The following VPS35L variants were observed in gnomAD, a reference collection of about 807,000 sequenced individuals.
VPS35L encodes VPS35 endosomal protein-sorting factor-like.
VPS35L carries 83 observed loss-of-function variants against 133.0 expected under a neutral mutation model. The ratio of observed to expected loss-of-function variants is 0.62; its 90% CI spans 0.52 to 0.75. The LOEUF is 0.75. Ranked by LOEUF, VPS35L falls within the 30% of genes least tolerant of loss-of-function variation. The probability of loss-of-function intolerance (pLI) is 0.00; values close to 1 mark genes in which losing one functional copy is unlikely to be tolerated. For missense variants in VPS35L, 1,083 were observed against 1,206.8 expected, an observed-to-expected ratio of 0.90 and a Z score of 1.52; for synonymous variants, 423 against 449.9, an observed-to-expected ratio of 0.94 and a Z score of 0.76.
chr16:19,683,527 A>G (rs768373424), intron 28 of VPS35L, among the ~76,000 whole-genome samples: 3 of 152,150 alleles, frequency 2.0e-5, no homozygotes, highest in Non-Finnish European at 2.9e-5. Context: ...CTTGGGGCCC[A>G]CTTACAAGTG....
intron 27 of VPS35L, 89 bp from the exon 28 acceptor site, chr16:19,682,136 C>A: frequency 1.4e-6 from 2 of 1,402,418 alleles, no homozygotes; most frequent in Non-Finnish European, 2.0e-6. Flanking sequence ...ACAGCTGCTG[C>A]GGGAGGATCT....
At chr16:19,685,944 C>T (rs1975443842) in intron 28 of VPS35L, among the ~76,000 whole-genome samples, 1 of 152,192 alleles carries the variant, frequency 6.6e-6, no homozygotes, top group Admixed American at 6.5e-5. Context: ...TAAACAGATT[C>T]AGCCCATCCT....
intron 27 of VPS35L, among the ~76,000 whole-genome samples, chr16:19,676,882 A>G (rs2151612586): frequency 6.6e-6 from 1 of 152,186 alleles, no homozygotes; most frequent in Admixed American, 6.5e-5. Flanking sequence ...GAAGCCAACT[A>G]CAGTTGGCAC....
intron 2 of VPS35L, among the ~76,000 whole-genome samples, chr16:19,568,576 C>A (rs962073222): frequency 1.3e-5 from 2 of 152,142 alleles, no homozygotes; most frequent in Non-Finnish European, 2.9e-5. Flanking sequence ...TCTGCAGGAG[C>A]CCATCGGGAG....
At chr16:19,557,029 G>C (rs892762949) in intron 1 of VPS35L, among the ~76,000 whole-genome samples, 4 of 152,140 alleles carry the variant, frequency 2.6e-5, no homozygotes, top group Non-Finnish European at 5.9e-5. Flanking sequence ...CTACTTGGGA[G>C]GGTGAGGCAG....
Position 19,700,357 on chromosome 16 carries a change from GATC to G in VPS35L, c.2794-20_2794-18del, listed in dbSNP as rs776255883. The G allele has an allele frequency of 1.9e-6, 3 of 1,592,970 alleles. No homozygotes were observed. The African/African-American group carries it at 4.0e-5, about 21-fold the overall frequency. On this transcript the variant is annotated intron_variant, in intron 30 of 30. Transcript: ENST00000417362. ...AGGATAATGAACCAGAAAGGAGATG[GATC>G]TTTCTTTTTCCTCATAGGTGAAAAC...
chr16:19,575,452 G>A (rs1231752811), intron 5 of VPS35L, among the ~76,000 whole-genome samples: 1 of 151,598 alleles, frequency 6.6e-6, no homozygotes, highest in Non-Finnish European at 1.5e-5. Flanking sequence ...CGTAATCCCA[G>A]CTACTCAGGA....
chr16:19,679,067 T>C (rs985204181), intron 27 of VPS35L, among the ~76,000 whole-genome samples: 3 of 149,948 alleles, frequency 2.0e-5, no homozygotes, highest in African/African-American at 7.4e-5. Context: ...AAATAAAATA[T>C]ATTTTTGGAC....
At chr16:19,694,850 AC>A (rs1232321128) in intron 29 of VPS35L, among the ~76,000 whole-genome samples, 1 of 151,968 alleles carries the variant, frequency 6.6e-6, no homozygotes, top group East Asian at 1.9e-4. Flanking sequence ...TACTAAAAAT[AC>A]AAAAATTAGC....
At chr16:19,637,355 A>G (rs776925837) in intron 19 of VPS35L, among the ~76,000 whole-genome samples, 6 of 152,142 alleles carry the variant, frequency 3.9e-5, no homozygotes, top group Non-Finnish European at 8.8e-5. Flanking sequence ...CCCCAGGACT[A>G]TGAAGTAGGA....
At chr16:19,694,954 T>C (rs936164348) in intron 29 of VPS35L, among the ~76,000 whole-genome samples, 3 of 149,714 alleles carry the variant, frequency 2.0e-5, no homozygotes, top group African/African-American at 7.4e-5. Flanking sequence ...TGCAGTGAGC[T>C]GAGATCACGC....
chr16:19,635,794 G>A (rs1021342394), intron 19 of VPS35L, among the ~76,000 whole-genome samples: 1 of 152,168 alleles, frequency 6.6e-6, no homozygotes, highest in African/African-American at 2.4e-5. Flanking sequence ...AGCACATTTG[G>A]CAAAATATTA....
At chr16:19,582,056 T>C (rs1225578708) in intron 7 of VPS35L, 1 of 165,336 alleles carries the variant, frequency 6.0e-6, no homozygotes, top group Non-Finnish European at 1.3e-5. Flanking sequence ...ATTAATGACG[T>C]GTCCCTAATA....
chr16:19,592,441 G>A (rs889544596), intron 8 of VPS35L, among the ~76,000 whole-genome samples: 2 of 151,990 alleles, frequency 1.3e-5, no homozygotes, highest in Non-Finnish European at 1.5e-5. Context: ...CAGGCTGGGG[G>A]CACTAAGCAG....
In VPS35L at chr16:19,624,275, C is replaced by A. The variant is rs1032315814; in HGVS notation, c.1225-1902C>A. Among the ~76,000 whole-genome samples, 3 of 151,770 alleles carry A rather than the reference C, an allele frequency of 2.0e-5. No homozygotes were observed. In the South Asian group the frequency reaches 6.3e-4, roughly 32 times the overall value. On this transcript the variant is annotated intron_variant, in intron 14 of 30. Transcript: ENST00000417362. Reference sequence around the variant, plus strand: ...GGACCACAGGCACGTACCACCACACCCAGCTAATTTTTTAAAAAATTTTAT... The same window carrying A: ...GGACCACAGGCACGTACCACCACACACAGCTAATTTTTTAAAAAATTTTAT...
rs1436284769 is a variant in VPS35L, at chr16:19,682,361, A to G, written c.2498A>G (p.Gln833Arg). The change falls in exon 28 of 31, where the codon CAG becomes CGG. Residue 833 changes from glutamine to arginine, a missense_variant. Coordinates refer to ENST00000417362, the MANE Select transcript of VPS35L (RefSeq NM_020314.7). Reference protein sequence around the residue: ...CVLHLLSAMSQETYLYHIDKV... With the variant: ...CVLHLLSAMSRETYLYHIDKV... The stretch of plus-strand genomic sequence containing the variant: ...CTGCATCTCCTCTCCGCCATGAGCC[A>G]GGAGACGTACCTTTACCACATAGAC... 6.2e-7 allele frequency: 1 copy of G among 1,614,256 alleles called. No individual in the cohort carries two copies. Among genetic ancestry groups the G allele is most frequent in the Non-Finnish European group, 8.5e-7 (1 of 1,180,046 alleles).
chr16:19,668,015 T>C (rs999078436), intron 26 of VPS35L, among the ~76,000 whole-genome samples: 18 of 152,098 alleles, frequency 1.2e-4, no homozygotes, highest in African/African-American at 2.4e-4. Context: ...ATGTTTTTTT[T>C]CCCTCTCCTT....
At chr16:19,654,770 C>T (rs1406668201) in intron 26 of VPS35L, among the ~76,000 whole-genome samples, 1 of 152,094 alleles carries the variant, frequency 6.6e-6, no homozygotes, top group African/African-American at 2.4e-5. Flanking sequence ...ATACTAGGAA[C>T]AAATTGTGAG....
intron 29 of VPS35L, among the ~76,000 whole-genome samples, chr16:19,692,228 C>T (rs1022955818): frequency 6.6e-6 from 1 of 152,070 alleles, no homozygotes; most frequent in Non-Finnish European, 1.5e-5. Flanking sequence ...AAGACAGGGA[C>T]TCTGGGACAC....
Sources: allele counts gnomAD v4.1 joint callset (sites outside exome capture counted in the v4.1 genomes callset), GRCh38; gene constraint gnomAD v4.1.1; transcripts MANE v1.5; gene names NCBI Gene and HGNC (gene_info 2026-07-23, HGNC 2026-07-21).